CDH13: variants seen among roughly 807,000 people sequenced by gnomAD.
CDH13 encodes the protein cadherin 13.
A neutral mutation model predicts 63.8 loss-of-function variants in CDH13; 24 were observed. The observed-to-expected ratio is 0.38, with a 90% CI of 0.27 to 0.53. The LOEUF (loss-of-function observed/expected upper bound fraction) is 0.53, where lower values mean the gene tolerates loss of function less well. CDH13 is among the 20% of genes least tolerant of loss of function. CDH13 has a pLI of 0.85. For synonymous variants in CDH13, 503 were observed against 355.3 expected (o/e 1.42, Z -4.67); for missense variants, 1,049 against 903.1 (o/e 1.16, Z -2.07).
intron 6 of CDH13, among the ~76,000 whole-genome samples, chr16:83,375,177 G>A (rs1485428089): frequency 1.3e-5 from 2 of 152,232 alleles, no homozygotes; most frequent in Non-Finnish European, 2.9e-5. Context: ...GGCATGCAAT[G>A]AGCTAGGCAA....
chr16:83,330,604 T>C (rs1032394883), intron 5 of CDH13, among the ~76,000 whole-genome samples: 6 of 152,068 alleles, frequency 3.9e-5, no homozygotes, highest in Admixed American at 3.3e-4. Flanking sequence ...GTAGCACAGA[T>C]AGGGAAATGG....
At chr16:83,030,069 C>T (rs956563238) in intron 2 of CDH13, among the ~76,000 whole-genome samples, 11 of 152,124 alleles carry the variant, frequency 7.2e-5, no homozygotes, top group Admixed American at 5.9e-4. Context: ...CATGATCAGC[C>T]GTCACAGCCT....
At chr16:82,778,502 A>G (rs2035599515) in intron 1 of CDH13, among the ~76,000 whole-genome samples, 1 of 141,120 alleles carries the variant, frequency 7.1e-6, no homozygotes, top group African/African-American at 2.6e-5. Flanking sequence ...AAACTCATTG[A>G]TGATGCAAAC....
chr16:82,733,332 A>T (rs1421587967), intron 1 of CDH13, among the ~76,000 whole-genome samples: 1 of 152,004 alleles, frequency 6.6e-6, no homozygotes, highest in Non-Finnish European at 1.5e-5. Context: ...TAGTCATTCT[A>T]ATTGTTCTGT....
chr16:83,128,185 G>C (rs1224542111), intron 4 of CDH13, among the ~76,000 whole-genome samples: 1 of 152,184 alleles, frequency 6.6e-6, no homozygotes, highest in East Asian at 1.9e-4. Flanking sequence ...TTCCACTGGG[G>C]TGGGGGTGAG....
intron 6 of CDH13, among the ~76,000 whole-genome samples, chr16:83,484,364 C>T (rs1344469050): frequency 6.6e-6 from 1 of 152,170 alleles, no homozygotes; most frequent in African/African-American, 2.4e-5. Flanking sequence ...CCGGTTAGGT[C>T]ACACTTTGTG....
chr16:83,764,969 A>G (rs558020769), intron 11 of CDH13, among the ~76,000 whole-genome samples: 1 of 152,184 alleles, frequency 6.6e-6, no homozygotes, highest in Non-Finnish European at 1.5e-5. Flanking sequence ...TCGTCCCCCT[A>G]CAACAACCTT....
intron 2 of CDH13, among the ~76,000 whole-genome samples, chr16:82,930,039 CTTTTTTTTT>C (rs71146098): frequency 1.1e-5 from 1 of 94,752 alleles, no homozygotes; most frequent in Non-Finnish European, 2.1e-5. Flanking sequence ...TAGTTTGTCT[CTTTTTTTTT>C]TTTTTTTTTT....
intron 8 of CDH13, among the ~76,000 whole-genome samples, chr16:83,612,740 T>C (rs1908963046): frequency 6.6e-6 from 1 of 152,110 alleles, no homozygotes; most frequent in Non-Finnish European, 1.5e-5. Flanking sequence ...TTTTGGACTC[T>C]AACATCAAGT....
chr16:83,248,313 A>C (rs562649856), intron 5 of CDH13, among the ~76,000 whole-genome samples: 1 of 151,990 alleles, frequency 6.6e-6, no homozygotes, highest in South Asian at 2.1e-4. Context: ...TAAAAATCCT[A>C]CCCTCTAGCT....
chr16:83,748,396 A>C, intron 11 of CDH13, 146 bp downstream of exon 11: 1 of 689,626 alleles, frequency 1.5e-6, no homozygotes, highest in Non-Finnish European at 2.4e-6. Flanking sequence ...TTAAATATAC[A>C]CATGTTGAGT....
At chr16:82,814,470 C>G (rs2037604012) in intron 1 of CDH13, among the ~76,000 whole-genome samples, 1 of 152,024 alleles carries the variant, frequency 6.6e-6, no homozygotes, top group African/African-American at 2.4e-5. Flanking sequence ...CTCAATCGTG[C>G]CTATGTAACA....
chr16:82,990,611 A>G (rs925955244), intron 2 of CDH13, among the ~76,000 whole-genome samples: 7 of 151,474 alleles, frequency 4.6e-5, no homozygotes, highest in Non-Finnish European at 7.4e-5. Flanking sequence ...CAGTGGCACA[A>G]TCACGGCTCA....
intron 3 of CDH13, among the ~76,000 whole-genome samples, chr16:83,035,444 C>G (rs548015917): frequency 6.6e-6 from 1 of 152,184 alleles, no homozygotes; most frequent in Non-Finnish European, 1.5e-5. Flanking sequence ...TGCTGACTCA[C>G]GTAACCTCCT....
At chr16:83,101,320 C>A (rs2034468162) in intron 3 of CDH13, among the ~76,000 whole-genome samples, 1 of 149,152 alleles carries the variant, frequency 6.7e-6, no homozygotes, top group South Asian at 2.1e-4. Flanking sequence ...GTATTGTATA[C>A]ATGTTTATAT....
intron 10 of CDH13, among the ~76,000 whole-genome samples, chr16:83,739,162 C>G (rs1051230185): frequency 6.6e-6 from 1 of 152,130 alleles, no homozygotes; most frequent in Non-Finnish European, 1.5e-5. Flanking sequence ...AAACTGCTTG[C>G]GCGAACAAAT....
At chr16:83,461,594 T>C (rs2073183898) in intron 6 of CDH13, among the ~76,000 whole-genome samples, 1 of 152,196 alleles carries the variant, frequency 6.6e-6, no homozygotes, top group South Asian at 2.1e-4. Context: ...AGGAGCCTTC[T>C]GTACAAGTGT....
At chr16:83,749,415 C>A (rs557821657) in intron 11 of CDH13, among the ~76,000 whole-genome samples, 1 of 152,118 alleles carries the variant, frequency 6.6e-6, no homozygotes, top group African/African-American at 2.4e-5. Context: ...AGTGGCATTA[C>A]CCAGAAATCC....
At chr16:83,053,396 G>T (rs1335132071) in intron 3 of CDH13, among the ~76,000 whole-genome samples, 11 of 151,966 alleles carry the variant, frequency 7.2e-5, no homozygotes, top group Admixed American at 7.2e-4. Context: ...CTCTCCTGGG[G>T]TATCAGAAGA....
Sources: gnomAD v4.1 joint callset for allele counts (sites outside exome capture counted in the v4.1 genomes callset) on GRCh38, gnomAD v4.1.1 for gene constraint, MANE v1.5 for transcripts, NCBI Gene and HGNC (gene_info 2026-07-23, HGNC 2026-07-21) for gene names.